BCL11B: variants seen among roughly 807,000 people sequenced by gnomAD.
BCL11B encodes the protein B-cell lymphoma/leukemia 11B.
In BCL11B, 8 loss-of-function variants were observed where a neutral mutation model predicts 49.9. The ratio of observed to expected loss-of-function variants is 0.16; its 90% CI spans 0.09 to 0.29. BCL11B has a LOEUF of 0.29. Among genes scored for constraint, BCL11B ranks in the 10% least tolerant of loss-of-function variants. BCL11B has a pLI of 1.00. For synonymous variants in BCL11B, 739 were observed against 637.4 expected (o/e 1.16, Z -2.40); for missense variants, 1,006 against 1,351.0 (o/e 0.74, Z 4.00).
chr14:99,270,913 A>AG (rs2139985262), intron 1 of BCL11B, among the ~76,000 whole-genome samples: 1 of 150,866 alleles, frequency 6.6e-6, no homozygotes, highest in African/African-American at 2.4e-5. Context: ...CCCGGCCCGG[A>AG]GCCGGCTCCG....
Position 99,174,154 on chromosome 14 carries a change from G to A in BCL11B, c.2682C>T (p.Ser894=). The A allele has an allele frequency of 6.2e-7, 1 of 1,611,806 alleles. No individual in the cohort carries two copies. The highest frequency in any genetic ancestry group is 8.5e-7 in the Non-Finnish European group (1 of 1,179,900). ...NDVKIEQAER[S] ...CGGGGCGCCGGGGCCCGCGCGCTTA[G>A]CTCCTCTCGGCCTGCTCGATTTTGA... Residue 894 remains serine, a synonymous_variant, in exon 4 of 4, where the codon AGC becomes AGT. Transcript: ENST00000357195.
intron 3 of BCL11B, among the ~76,000 whole-genome samples, chr14:99,189,357 C>CT (rs1437085068): frequency 2.6e-5 from 4 of 152,242 alleles, no homozygotes; most frequent in Non-Finnish European, 4.4e-5. Context: ...CATCAGAGGA[C>CT]TCTAAGATGC....
intron 1 of BCL11B, among the ~76,000 whole-genome samples, chr14:99,265,628 T>C (rs961227250): frequency 7.2e-5 from 11 of 152,216 alleles, no homozygotes; most frequent in African/African-American, 2.7e-4. Context: ...GGCCCAAGAC[T>C]TCGAGGTCAC....
intron 3 of BCL11B, among the ~76,000 whole-genome samples, chr14:99,209,146 G>C (rs1395806508): frequency 6.6e-6 from 1 of 152,148 alleles, no homozygotes; most frequent in Non-Finnish European, 1.5e-5. Context: ...TCTTACAAGA[G>C]GCCCTGGACT....
intron 2 of BCL11B, among the ~76,000 whole-genome samples, chr14:99,245,749 A>G (rs1181140002): frequency 1.3e-5 from 2 of 152,040 alleles, no homozygotes; most frequent in Non-Finnish European, 2.9e-5. Context: ...CACCCGGGAG[A>G]GCGCCCAAGG....
intron 3 of BCL11B, among the ~76,000 whole-genome samples, chr14:99,210,305 A>G (rs1177558269): frequency 1.3e-5 from 2 of 152,144 alleles, no homozygotes; most frequent in Non-Finnish European, 2.9e-5. Flanking sequence ...CACTGCAGAA[A>G]ATAGAAAGGT....
chr14:99,231,330 G>A lies in BCL11B; in HGVS notation c.640+15C>T, dbSNP rs765596212. On this transcript the variant is annotated intron_variant, in intron 3 of 3. Transcript: ENST00000357195. The surrounding 1 kb of genome is among the most constrained non-coding windows in gnomAD (Gnocchi z 8.1). ...ATCCCGGGGGCCCGCCCCCCACCGC[G>A]GCGTCGTCTGTTACCTGACAACTGA... is the stretch of plus-strand genomic sequence containing the variant. 41 of 1,607,336 alleles carry A rather than the reference G, an allele frequency of 2.6e-5. No homozygotes were observed. The highest frequency in any genetic ancestry group is 3.0e-5 in the Non-Finnish European group (35 of 1,177,876).
At chr14:99,189,816 G>A (rs1035798228) in intron 3 of BCL11B, among the ~76,000 whole-genome samples, 2 of 152,232 alleles carry the variant, frequency 1.3e-5, no homozygotes, top group Non-Finnish European at 2.9e-5. Context: ...CCCACACTGT[G>A]TGGGAGCACC....
At position 99,173,633 on chromosome 14, in the gene BCL11B, AAAAGT is replaced by A. The variant is rs1886365947; in HGVS notation, c.*513_*517del. ...CAGGACAAAAAAAAGGAAGGAATGA[AAAAGT>A]AAACAACTTTAAAAGTCATTTGAGT... On this transcript the variant is annotated 3_prime_UTR_variant, in exon 4 of 4. Transcript: ENST00000357195. 1.4e-5 allele frequency: 3 copies of A among 217,838 alleles called. No homozygotes were observed. Among genetic ancestry groups the A allele is most frequent in the Admixed American group, 5.8e-5 (1 of 17,228 alleles). 13.5% of individuals were successfully genotyped at this position (217,838 alleles called of 1,614,324 possible).
chr14:99,192,293 C>T lies in BCL11B; in HGVS notation c.641-16098G>A, dbSNP rs570996335. On this transcript the variant is annotated intron_variant, in intron 3 of 3. Transcript: ENST00000357195. The surrounding 1 kb of genome is among the most constrained non-coding windows in gnomAD (Gnocchi z 4.0). Reference sequence around the variant, plus strand: ...CATACAGTAGCACTTTCATTTTAAGCGCCCCAGCCACGCTTCCCTAATAAC... The same window carrying T: ...CATACAGTAGCACTTTCATTTTAAGTGCCCCAGCCACGCTTCCCTAATAAC... Among the ~76,000 whole-genome samples the T allele has an allele frequency of 2.0e-5, 3 of 152,200 alleles. No individual in the cohort carries two copies.
chr14:99,269,867 A>G (rs1395149039), intron 1 of BCL11B, among the ~76,000 whole-genome samples: 4 of 62,858 alleles, frequency 6.4e-5, no homozygotes, highest in Non-Finnish European at 8.3e-5. Context: ...TTTTATTTCT[A>G]TTGCAGTTAA....
At chr14:99,229,855 G>C (rs1288499238) in intron 3 of BCL11B, among the ~76,000 whole-genome samples, 1 of 152,008 alleles carries the variant, frequency 6.6e-6, no homozygotes, top group Non-Finnish European at 1.5e-5. Flanking sequence ...GACAGAGCAG[G>C]CACCCCCTGC....
At position 99,221,103 on chromosome 14, in the gene BCL11B, G is replaced by A. The variant is rs61648908; in HGVS notation, c.640+10242C>T. Reference sequence around the variant, plus strand: ...TCTTGACCTTGTGATCCGCCTGCCTGCCTCAGCCTCCCAAAGTGCTGGGAT... The same window carrying A: ...TCTTGACCTTGTGATCCGCCTGCCTACCTCAGCCTCCCAAAGTGCTGGGAT... On this transcript the variant is annotated intron_variant, in intron 3 of 3. Transcript: ENST00000357195. Among the ~76,000 whole-genome samples, 812 of 152,264 alleles carry A rather than the reference G, an allele frequency of 5.3e-3. 4 individuals are homozygous for A. The highest frequency in any genetic ancestry group is 0.018 in the African/African-American group (768 of 41,540).
chr14:99,190,924 A>G (rs1031859244), intron 3 of BCL11B, among the ~76,000 whole-genome samples: 1 of 151,490 alleles, frequency 6.6e-6, no homozygotes, highest in African/African-American at 2.4e-5. Context: ...GGTCACCCTC[A>G]AATTAGGGTC....
intron 1 of BCL11B, among the ~76,000 whole-genome samples, chr14:99,270,861 G>T (rs1889653858): frequency 1.3e-5 from 2 of 149,162 alleles, no homozygotes; most frequent in South Asian, 4.2e-4. Flanking sequence ...AGCCGGGCTC[G>T]GCGCGCACAC....
At chr14:99,226,458 C>G (rs931795634) in intron 3 of BCL11B, among the ~76,000 whole-genome samples, 1 of 152,196 alleles carries the variant, frequency 6.6e-6, no homozygotes, top group African/African-American at 2.4e-5. Flanking sequence ...AGAATCAAGG[C>G]GACGCATCAG....
At position 99,262,573 on chromosome 14, in the gene BCL11B, A is replaced by G. The variant is rs1889367045; in HGVS notation, c.59-4734T>C. Among the ~76,000 whole-genome samples, 1 of 152,136 alleles carries G rather than the reference A, an allele frequency of 6.6e-6. No individual in the cohort carries two copies. The highest frequency in any genetic ancestry group is 6.5e-5 in the Admixed American group (1 of 15,272). Reference sequence around the variant, plus strand: ...ACAACCGCCATCATGATGTGTACGCATGTTTACAAGAAATGTTCAGCATCC... The same window carrying G: ...ACAACCGCCATCATGATGTGTACGCGTGTTTACAAGAAATGTTCAGCATCC... On this transcript the variant is annotated intron_variant, in intron 1 of 3. Coordinates refer to ENST00000357195, the MANE Select transcript of BCL11B (RefSeq NM_138576.4). This position sits in a 1 kb window ranked among gnomAD's most constrained non-coding sequence, Gnocchi z 4.2.
At chr14:99,227,191 A>G (rs1032685649) in intron 3 of BCL11B, among the ~76,000 whole-genome samples, 1 of 152,220 alleles carries the variant, frequency 6.6e-6, no homozygotes, top group South Asian at 2.1e-4. Context: ...AAGAATGGAA[A>G]GCGAAGATCC....
intron 2 of BCL11B, among the ~76,000 whole-genome samples, chr14:99,250,109 C>A (rs992686992): frequency 1.8e-4 from 26 of 147,458 alleles, no homozygotes; most frequent in African/African-American, 6.3e-4. Flanking sequence ...GATCTCGGCT[C>A]ACTGCAAGCT....
Sources: gnomAD v4.1 joint callset for allele counts (sites outside exome capture counted in the v4.1 genomes callset) on GRCh38, gnomAD v4.1.1 for gene constraint, Gnocchi (gnomAD v3.1) non-coding constraint, MANE v1.5 for transcripts, NCBI Gene and HGNC (gene_info 2026-07-23, HGNC 2026-07-21) for gene names.